SORCS2: variants seen among roughly 807,000 people sequenced by gnomAD.
SORCS2 encodes the protein VPS10 domain-containing receptor SorCS2.
In SORCS2, 100 loss-of-function variants were observed where a neutral mutation model predicts 141.6. That is an observed-to-expected ratio of 0.71 (90% CI 0.60 to 0.83). The LOEUF is 0.83. SORCS2 is among the 40% of genes least tolerant of loss of function. SORCS2 has a pLI of 0.00. For synonymous variants in SORCS2, 789 were observed against 676.9 expected (o/e 1.17, Z -2.57); for missense variants, 1,646 against 1,560.2 (o/e 1.05, Z -0.93).
chr4:7,309,462 A>G lies in SORCS2; in HGVS notation c.481-86826A>G, dbSNP rs74402453. On this transcript the variant is annotated intron_variant, in intron 1 of 26. Coordinates refer to ENST00000507866, the MANE Select transcript of SORCS2 (RefSeq NM_020777.3). ...TTGAGGCAGGTCCCGATCAAAAGCT[A>G]GTTTGGACTTGAGCAGAGGGGCCTG... 1.7e-3 allele frequency among the ~76,000 whole-genome samples: 262 copies of G among 152,172 alleles called. 3 individuals are homozygous for G. The East Asian group carries it at 0.048, about 28-fold the overall frequency.
At chr4:7,368,257 A>G (rs1471256653) in intron 1 of SORCS2, among the ~76,000 whole-genome samples, 1 of 152,248 alleles carries the variant, frequency 6.6e-6, no homozygotes. Flanking sequence ...TGGAGCTGGC[A>G]TCAGCAATCC....
intron 19 of SORCS2, among the ~76,000 whole-genome samples, chr4:7,724,168 G>C (rs1726833354): frequency 1.3e-5 from 2 of 148,774 alleles, no homozygotes; most frequent in African/African-American, 5.0e-5. Context: ...TGGTGATGGT[G>C]GTGATGGTGA....
At chr4:7,467,035 GTGTT>G (rs1729658852) in intron 2 of SORCS2, among the ~76,000 whole-genome samples, 1 of 152,174 alleles carries the variant, frequency 6.6e-6, no homozygotes, top group Non-Finnish European at 1.5e-5. Context: ...CAGAGGCAGA[GTGTT>G]TGGAGGGAAG....
At chr4:7,684,126 C>T (rs1723732497) in intron 10 of SORCS2, among the ~76,000 whole-genome samples, 1 of 152,196 alleles carries the variant, frequency 6.6e-6, no homozygotes, top group Admixed American at 6.5e-5. Flanking sequence ...TCACCACCAC[C>T]AGCATCCCTG....
intron 2 of SORCS2, among the ~76,000 whole-genome samples, chr4:7,410,563 C>G (rs978986765): frequency 6.6e-6 from 1 of 152,192 alleles, no homozygotes; most frequent in Non-Finnish European, 1.5e-5. Flanking sequence ...ATGCTGGGCA[C>G]TTAGTAGATG....
chr4:7,613,345 G>T (rs948859873), intron 3 of SORCS2, among the ~76,000 whole-genome samples: 11 of 152,258 alleles, frequency 7.2e-5, no homozygotes, highest in Non-Finnish European at 1.3e-4. Flanking sequence ...CGCGGGCGCT[G>T]TCTGTTCAGC....
In SORCS2 at chr4:7,490,277, G is replaced by A. The variant is rs116719136; in HGVS notation, c.549-41253G>A. On this transcript the variant is annotated intron_variant, in intron 2 of 26. Coordinates refer to ENST00000507866, the MANE Select transcript of SORCS2 (RefSeq NM_020777.3). ...GACCATCTCCCTTCTGACTCGGCCT[G>A]GGGGGAGCTCAACACAGCTCAGGAC... is the stretch of plus-strand genomic sequence containing the variant. 3.9e-5 allele frequency among the ~76,000 whole-genome samples: 6 copies of A among 152,230 alleles called. No homozygotes were observed. In the East Asian group the frequency reaches 5.8e-4, roughly 15 times the overall value.
chr4:7,493,614 G>C (rs900945466), intron 2 of SORCS2, among the ~76,000 whole-genome samples: 5 of 152,186 alleles, frequency 3.3e-5, no homozygotes, highest in Non-Finnish European at 7.3e-5. Flanking sequence ...CCGATTACCG[G>C]CTGGCTACCC....
At chr4:7,336,271 G>A (rs1229421256) in intron 1 of SORCS2, among the ~76,000 whole-genome samples, 1 of 152,152 alleles carries the variant, frequency 6.6e-6, no homozygotes, top group South Asian at 2.1e-4. Flanking sequence ...CTGAAGGGAG[G>A]AGAAGCATCC....
chr4:7,598,174 G>A (rs1717413232), intron 3 of SORCS2, among the ~76,000 whole-genome samples: 1 of 152,024 alleles, frequency 6.6e-6, no homozygotes, highest in African/African-American at 2.4e-5. Context: ...TCACCATGTT[G>A]GCCAGGCTGG....
chr4:7,659,290 A>G (rs80135249), intron 5 of SORCS2, among the ~76,000 whole-genome samples: 204 of 139,174 alleles, frequency 1.5e-3, no homozygotes, highest in African/African-American at 5.5e-3. Flanking sequence ...AAAAAAAAAG[A>G]AAAAAAAAAA....
chr4:7,728,420 G>A lies in SORCS2; in HGVS notation c.2940G>A (p.Trp980Ter). 2 of 1,613,688 alleles carry A rather than the reference G, an allele frequency of 1.2e-6. No individual in the cohort carries two copies. The highest frequency in any genetic ancestry group is 1.7e-6 in the Non-Finnish European group (2 of 1,179,814). ...LDAYNPNTPE[W>*]REDVGLVVTR... ...CCTACAACCCCAACACCCCTGAGTGGAGGGAAGACGTGGGCCTGGTGGTCA... is the reference window on the plus strand; with the variant it reads ...CCTACAACCCCAACACCCCTGAGTGAAGGGAAGACGTGGGCCTGGTGGTCA... Residue 980 changes from tryptophan to a stop codon, truncating the protein, a stop_gained, in exon 22 of 27, where the codon TGG becomes TGA. Transcript: ENST00000507866. LOFTEE classifies it high-confidence loss of function.
chr4:7,675,979 A>C, intron 8 of SORCS2, 71 bp from the exon 9 acceptor site: 1 of 1,514,938 alleles, frequency 6.6e-7, no homozygotes, highest in Non-Finnish European at 8.9e-7. Context: ...CGGCCTGTGC[A>C]GCCTGCTTCT....
intron 1 of SORCS2, among the ~76,000 whole-genome samples, chr4:7,329,156 C>T (rs1020724327): frequency 3.9e-5 from 6 of 152,218 alleles, no homozygotes; most frequent in African/African-American, 1.4e-4. Context: ...GCTCCCAAGC[C>T]GAGAGCACAG....
At chr4:7,368,573 G>A (rs570944301) in intron 1 of SORCS2, among the ~76,000 whole-genome samples, 5 of 152,206 alleles carry the variant, frequency 3.3e-5, no homozygotes, top group Admixed American at 1.3e-4. Flanking sequence ...TTAGGGGCTG[G>A]TCCTGGTCAC....
At chr4:7,595,567 A>G (rs534843225) in intron 3 of SORCS2, among the ~76,000 whole-genome samples, 1 of 151,204 alleles carries the variant, frequency 6.6e-6, no homozygotes, top group South Asian at 2.1e-4. Context: ...ACCATACGAA[A>G]GACGTTCTTG....
At chr4:7,489,202 T>C (rs189593516) in intron 2 of SORCS2, among the ~76,000 whole-genome samples, 1 of 152,298 alleles carries the variant, frequency 6.6e-6, no homozygotes, top group East Asian at 1.9e-4. Context: ...TGACCTTCTG[T>C]CTTTGGGTGC....
In SORCS2 at chr4:7,218,995, AGGCC is replaced by A. The variant is rs1331696658; in HGVS notation, c.480+25870_480+25873del. On this transcript the variant is annotated intron_variant, in intron 1 of 26. Coordinates refer to ENST00000507866, the MANE Select transcript of SORCS2 (RefSeq NM_020777.3). ...GTTCTTGTAGCTTCTGGAATATGCT[AGGCC>A]CTTCCTACCTCAGAGCCCATGCCTG... Among the ~76,000 whole-genome samples the A allele has an allele frequency of 8.2e-3, 678 of 83,184 alleles. 6 individuals are homozygous for A. The highest frequency in any genetic ancestry group is 0.04 in the African/African-American group (657 of 16,360). 54.6% of individuals were successfully genotyped at this position (83,184 alleles called of 152,430 possible).
chr4:7,527,294 A>G (rs1331266887), intron 2 of SORCS2, among the ~76,000 whole-genome samples: 1 of 152,356 alleles, frequency 6.6e-6, no homozygotes, highest in East Asian at 1.9e-4. Flanking sequence ...TTACATGGCA[A>G]AGGGGACTTT....
Sources: gnomAD v4.1 joint callset for allele counts (sites outside exome capture counted in the v4.1 genomes callset) on GRCh38, gnomAD v4.1.1 for gene constraint, MANE v1.5 for transcripts, NCBI Gene and HGNC (gene_info 2026-07-23, HGNC 2026-07-21) for gene names.